BICC1: variants seen among roughly 807,000 people sequenced by gnomAD.
The protein encoded by BICC1 is BicC family RNA binding protein 1, also known as protein bicaudal C homolog 1.
BICC1 carries 43 observed loss-of-function variants against 111.0 expected under a neutral mutation model. The ratio of observed to expected loss-of-function variants is 0.39; its 90% CI spans 0.30 to 0.50. BICC1 has a LOEUF of 0.50. Ranked by LOEUF, BICC1 falls within the 20% of genes least tolerant of loss-of-function variation. The pLI, the probability that BICC1 is intolerant of heterozygous loss-of-function variation, is 0.88. For missense variants in BICC1, 1,091 were observed against 1,203.2 expected, an observed-to-expected ratio of 0.91 and a Z score of 1.38; for synonymous variants, 467 against 434.4, an observed-to-expected ratio of 1.07 and a Z score of -0.93.
intron 1 of BICC1, among the ~76,000 whole-genome samples, chr10:58,563,016 C>G (rs1363444223): frequency 6.6e-6 from 1 of 152,074 alleles, no homozygotes; most frequent in East Asian, 1.9e-4. Context: ...GTAGTCTCCT[C>G]TCTATGCTGG....
At chr10:58,625,699 T>C (rs1365658703) in intron 2 of BICC1, among the ~76,000 whole-genome samples, 1 of 152,198 alleles carries the variant, frequency 6.6e-6, no homozygotes, top group Non-Finnish European at 1.5e-5. Flanking sequence ...ACATTACTTT[T>C]GGTGTTTTCA....
rs1262769008 is a variant in BICC1, at chr10:58,602,998, G to T, written c.191-17857G>T. Among the ~76,000 whole-genome samples, 11 of 152,290 alleles carry T rather than the reference G, an allele frequency of 7.2e-5. No individual in the cohort carries two copies. The East Asian group carries it at 1.9e-3, about 27-fold the overall frequency. On this transcript the variant is annotated intron_variant, in intron 1 of 20. Transcript: ENST00000373886. ...TTTAGCACTTCAGGCCTCTTTTAAT[G>T]AGATGCAGTATGAGACAGTCTTAGG...
chr10:58,707,492 A>C (rs139284302), intron 3 of BICC1, among the ~76,000 whole-genome samples: 472 of 152,214 alleles, frequency 3.1e-3, no homozygotes, highest in Non-Finnish European at 4.6e-3. Flanking sequence ...ACTAGGTTAA[A>C]AAAAAATAGA....
intron 1 of BICC1, among the ~76,000 whole-genome samples, chr10:58,583,655 T>C (rs1368953304): frequency 6.6e-6 from 1 of 151,900 alleles, no homozygotes; most frequent in African/African-American, 2.4e-5. Flanking sequence ...ACATTTTCTT[T>C]ATCCACTCAT....
chr10:58,621,895 C>T (rs1167528753), intron 2 of BICC1, among the ~76,000 whole-genome samples: 2 of 49,632 alleles, frequency 4.0e-5, no homozygotes, highest in African/African-American at 1.6e-4. Flanking sequence ...GAGACTTTGT[C>T]TCTAAAATTA....
In BICC1 at chr10:58,513,155, G is replaced by A; in HGVS notation, c.12G>A (p.Gln4=). ...GCTGCGCGCCCACCATGGCCGCCCAGGGAGAGCCCGGCTACCTGGCGGCGC... is the reference window on the plus strand; with the variant it reads ...GCTGCGCGCCCACCATGGCCGCCCAAGGAGAGCCCGGCTACCTGGCGGCGC... MAA[Q]GEPGYLAAQS... Residue 4 remains glutamine, a synonymous_variant, in exon 1 of 21, where the codon CAG becomes CAA. Coordinates refer to ENST00000373886, the MANE Select transcript of BICC1 (RefSeq NM_001080512.3). The A allele has an allele frequency of 6.5e-7, 1 of 1,541,060 alleles. No homozygotes were observed. Among genetic ancestry groups the A allele is most frequent in the Non-Finnish European group, 8.7e-7 (1 of 1,146,318 alleles).
intron 1 of BICC1, among the ~76,000 whole-genome samples, chr10:58,615,364 C>CA (rs972170249): frequency 5.9e-5 from 9 of 152,126 alleles, no homozygotes; most frequent in African/African-American, 1.9e-4. Flanking sequence ...TACGTCGAGG[C>CA]AGACATCCAG....
chr10:58,761,824 A>G (rs545139503), intron 3 of BICC1, among the ~76,000 whole-genome samples: 1 of 152,324 alleles, frequency 6.6e-6, no homozygotes, highest in South Asian at 2.1e-4. Context: ...CATCCTTTCT[A>G]TGAACACATT....
chr10:58,770,370 A>C (rs1477384396), intron 3 of BICC1, among the ~76,000 whole-genome samples: 1 of 152,134 alleles, frequency 6.6e-6, no homozygotes, highest in East Asian at 1.9e-4. Flanking sequence ...TTACTTTCTC[A>C]TAAACTGCAG....
intron 1 of BICC1, among the ~76,000 whole-genome samples, chr10:58,567,168 A>C (rs1843793324): frequency 6.6e-6 from 1 of 152,154 alleles, no homozygotes; most frequent in South Asian, 2.1e-4. Context: ...AAAGTGTTTT[A>C]AAATGTCACA....
chr10:58,669,894 C>T (rs1252820402), intron 2 of BICC1, among the ~76,000 whole-genome samples: 3 of 152,076 alleles, frequency 2.0e-5, no homozygotes, highest in African/African-American at 7.2e-5. Flanking sequence ...AATTCTTTGT[C>T]ATTGCATTGC....
chr10:58,787,078 C>T lies in BICC1; in HGVS notation c.543C>T (p.Asn181=), dbSNP rs1363170251. 2 of 1,576,110 alleles carry T rather than the reference C, an allele frequency of 1.3e-6. No homozygotes were observed. Among genetic ancestry groups the T allele is most frequent in the Non-Finnish European group, 1.7e-6 (2 of 1,166,586 alleles). ...GGAATAACCAAGCAGAAAAAAGCAA[C>T]CAGGTGGTTTGTCTTTTCACATGAA... is the stretch of plus-strand genomic sequence containing the variant. ...SNRNNQAEKS[N]QVSIAGQPAG... The change falls in exon 5 of 21, where the codon AAC becomes AAT. Residue 181 remains asparagine (N), a synonymous_variant. Transcript: ENST00000373886.
intron 1 of BICC1, among the ~76,000 whole-genome samples, chr10:58,528,594 T>C (rs1422491636): frequency 2.0e-5 from 3 of 151,944 alleles, no homozygotes; most frequent in African/African-American, 4.8e-5. Flanking sequence ...GCTTGCTCAC[T>C]GCACTAAAAT....
intron 2 of BICC1, among the ~76,000 whole-genome samples, chr10:58,649,773 C>A (rs1244591870): frequency 6.6e-6 from 1 of 152,224 alleles, no homozygotes; most frequent in East Asian, 1.9e-4. Flanking sequence ...ATCCTTCTAG[C>A]AACATGGGAT....
intron 3 of BICC1, among the ~76,000 whole-genome samples, chr10:58,778,429 C>CAT (rs1266060823): frequency 6.6e-6 from 1 of 151,846 alleles, no homozygotes; most frequent in Non-Finnish European, 1.5e-5. Context: ...GGTTGATTAG[C>CAT]ATATATTTTG....
intron 1 of BICC1, among the ~76,000 whole-genome samples, chr10:58,569,773 T>G (rs1322864006): frequency 6.6e-6 from 1 of 152,238 alleles, no homozygotes; most frequent in Non-Finnish European, 1.5e-5. Flanking sequence ...TGTCACATTT[T>G]CTTCATCCAG....
At chr10:58,540,786 C>T (rs2131882568) in intron 1 of BICC1, among the ~76,000 whole-genome samples, 1 of 152,120 alleles carries the variant, frequency 6.6e-6, no homozygotes, top group East Asian at 1.9e-4. Flanking sequence ...GATACCAAAA[C>T]CAGGATATGC....
At chr10:58,707,498 A>T (rs12243248) in intron 3 of BICC1, among the ~76,000 whole-genome samples, 3,055 of 152,106 alleles carry the variant, frequency 0.02, 115 homozygotes, top group African/African-American at 0.07. Flanking sequence ...TTAAAAAAAA[A>T]TAGAGTGTAA....
At chr10:58,740,896 G>A (rs1334255445) in intron 3 of BICC1, among the ~76,000 whole-genome samples, 1 of 152,210 alleles carries the variant, frequency 6.6e-6, no homozygotes, top group African/African-American at 2.4e-5. Context: ...GGGGTGACAC[G>A]TGAAAAGGCA....
Sources: gnomAD v4.1 joint callset for allele counts (sites outside exome capture counted in the v4.1 genomes callset) on GRCh38, gnomAD v4.1.1 for gene constraint, MANE v1.5 for transcripts, NCBI Gene and HGNC (gene_info 2026-07-23, HGNC 2026-07-21) for gene names.